Variants in DST observed in about 807,000 individuals in gnomAD.
DST encodes dystonin.
A neutral mutation model predicts 875.2 loss-of-function variants in DST; 253 were observed. That is an observed-to-expected ratio of 0.29 (90% CI 0.26 to 0.32). DST has a LOEUF of 0.32. Among genes scored for constraint, DST ranks in the 10% least tolerant of loss-of-function variants. The pLI is 1.00. For synonymous variants in DST, 3,124 were observed against 3,197.1 expected (o/e 0.98, Z 0.77); for missense variants, 8,287 against 9,111.6 (o/e 0.91, Z 3.68).
intron 3 of DST, chr6:56,861,702 A>C (rs901128834): frequency 6.6e-6 from 1 of 152,248 alleles, no homozygotes; most frequent in Non-Finnish European, 1.5e-5. Flanking sequence ...CAGGACGGGA[A>C]GCAGAAACAG....
At chr6:56,886,298 C>T (rs1050335184) in intron 3 of DST, among the ~76,000 whole-genome samples, 15 of 152,204 alleles carry the variant, frequency 9.9e-5, no homozygotes, top group African/African-American at 3.6e-4. Flanking sequence ...GAGAGGTCTG[C>T]TTCTAACTGA....
intron 4 of DST, among the ~76,000 whole-genome samples, chr6:56,833,273 C>T (rs1016094108): frequency 4.6e-5 from 7 of 152,298 alleles, no homozygotes; most frequent in African/African-American, 1.4e-4. Flanking sequence ...TAATCATTTA[C>T]GTGAAAGCAC....
chr6:56,670,131 TGC>T (rs1304724573), intron 10 of DST, among the ~76,000 whole-genome samples: 1 of 109,458 alleles, frequency 9.1e-6, no homozygotes, highest in Admixed American at 1.1e-4. Flanking sequence ...CGAGCGCCCG[TGC>T]GTGTGTGTGT....
intron 9 of DST, among the ~76,000 whole-genome samples, chr6:56,686,530 AGT>A (rs1020066866): frequency 6.6e-5 from 10 of 152,144 alleles, no homozygotes; most frequent in African/African-American, 1.9e-4. Flanking sequence ...TTTTTGTTTT[AGT>A]TTCATGCTAC....
Position 56,783,195 on chromosome 6 carries a change from A to G in DST, c.626-47906T>C, listed in dbSNP as rs748514300. ...TGGTGTGGTGCTGAAAAAAATGTATATTCTGTTGATTTGGGGTGGAGAGTT... is the reference window on the plus strand; with the variant it reads ...TGGTGTGGTGCTGAAAAAAATGTATGTTCTGTTGATTTGGGGTGGAGAGTT... On this transcript the variant is annotated intron_variant, in intron 4 of 103. Transcript: ENST00000680361. 3.0e-4 allele frequency among the ~76,000 whole-genome samples: 46 copies of G among 152,256 alleles called. 1 individual carries two copies. Among genetic ancestry groups the G allele is most frequent in the Middle Eastern group, 3.4e-3 (1 of 294 alleles).
At chr6:56,512,453 G>A (rs2096495587) in intron 72 of DST, among the ~76,000 whole-genome samples, 2 of 152,182 alleles carry the variant, frequency 1.3e-5, no homozygotes, top group South Asian at 4.1e-4. Context: ...TGGCCTCTGT[G>A]CAGCATTGAG....
chr6:56,700,489 A>G (rs1265076668), intron 8 of DST, among the ~76,000 whole-genome samples: 2 of 152,202 alleles, frequency 1.3e-5, no homozygotes, highest in African/African-American at 2.4e-5. Context: ...AATTTTCTCA[A>G]ATTTCCATTA....
intron 63 of DST, 147 bp downstream of exon 63, chr6:56,534,975 T>C: frequency 1.2e-6 from 1 of 859,434 alleles, no homozygotes; most frequent in Non-Finnish European, 1.8e-6. Context: ...CAATAAATAT[T>C]TGTCGAATGA....
chr6:56,614,568 T>C (rs1436100209), intron 36 of DST, 84 bp from the exon 37 acceptor site: 13 of 1,351,554 alleles, frequency 9.6e-6, no homozygotes. Flanking sequence ...CAAACAAGAA[T>C]GTAAAAATTT....
chr6:56,737,750 C>T (rs1335183063), intron 4 of DST, among the ~76,000 whole-genome samples: 1 of 152,156 alleles, frequency 6.6e-6, no homozygotes, highest in Non-Finnish European at 1.5e-5. Flanking sequence ...CACTGCTGTA[C>T]AACAATTTGT....
chr6:56,734,187 G>A (rs759165386), intron 5 of DST, among the ~76,000 whole-genome samples: 2 of 152,160 alleles, frequency 1.3e-5, no homozygotes, highest in East Asian at 1.9e-4. Context: ...ACCTTTTATC[G>A]CTTGTGATTC....
chr6:56,651,188 T>G lies in DST; in HGVS notation c.1271A>C (p.Glu424Ala). 1 of 1,612,614 alleles carries G rather than the reference T, an allele frequency of 6.2e-7. No individual in the cohort carries two copies. The highest frequency in any genetic ancestry group is 1.1e-5 in the South Asian group (1 of 90,680). ...TTTTTCTGCTACGTAAAAAGCATGC[T>G]CTAAATTTGCAAGGTTGCTTTGAAC... is the stretch of plus-strand genomic sequence containing the variant. ...VAVQSNLANLEHAFYVAEKIG... is the reference protein window; with the variant it reads ...VAVQSNLANLAHAFYVAEKIG... The change falls in exon 11 of 104, where the codon GAG (glutamate) becomes GCG (alanine). Residue 424 changes from glutamate (E) to alanine (A), a missense_variant. Coordinates refer to ENST00000680361, the MANE Select transcript of DST (RefSeq NM_001374736.1).
intron 94 of DST, 29 bp from the exon 95 acceptor site, chr6:56,471,297 G>C: frequency 6.5e-7 from 1 of 1,526,800 alleles, no homozygotes; most frequent in East Asian, 2.4e-5. Context: ...TTTTGATTGA[G>C]TTAATGCTGT....
At chr6:56,737,913 A>G (rs1427240027) in intron 4 of DST, among the ~76,000 whole-genome samples, 1 of 152,246 alleles carries the variant, frequency 6.6e-6, no homozygotes, top group Admixed American at 6.5e-5. Context: ...AAATTCTGAA[A>G]AAACACAAAT....
rs1173977222 is a variant in DST at position 56,608,773 on chromosome 6, C to T, written c.5855G>A (p.Arg1952Lys). The change falls in exon 40 of 104, where the codon AGA becomes AAA. Residue 1952 changes from arginine to lysine, a missense_variant. Coordinates refer to ENST00000680361, the MANE Select transcript of DST (RefSeq NM_001374736.1). The stretch of plus-strand genomic sequence containing the variant: ...TGTTATTCTACCTCCTTCTTGTGGT[C>T]TCACAGGTAGAAGCCACATCCCTGT... ...ENTGMWLLPV[R>K]PQEGGRITLK... is the part of the protein sequence containing the mutation. 6.2e-7 allele frequency: 1 copy of T among 1,609,548 alleles called. No homozygotes were observed. The highest frequency in any genetic ancestry group is 2.2e-5 in the East Asian group (1 of 44,718).
At position 56,904,624 on chromosome 6, in the gene DST, T is replaced by C. The variant is rs904304026; in HGVS notation, c.217-4003A>G. Among the ~76,000 whole-genome samples, 8 of 152,186 alleles carry C rather than the reference T, an allele frequency of 5.3e-5. No homozygotes were observed. In the East Asian group the frequency reaches 1.5e-3, roughly 29 times the overall value. On this transcript the variant is annotated intron_variant, in intron 2 of 103. Coordinates refer to ENST00000680361, the MANE Select transcript of DST (RefSeq NM_001374736.1). ...TGATTACAAACACTATAAACAACGA[T>C]GACCGTTCACCTTTATTTCCCTAAA... is the stretch of plus-strand genomic sequence containing the variant.
At position 56,609,043 on chromosome 6, in the gene DST, C is replaced by CT; in HGVS notation, c.5584dup (p.Ser1862LysfsTer13). ...GATGGCCATGGATTCTGTTATCATGCTTTGAGCTAGAGCATCCAGTACTGG... is the reference window on the plus strand; with the variant it reads ...GATGGCCATGGATTCTGTTATCATGCTTTTGAGCTAGAGCATCCAGTACTGG... On this transcript the variant is annotated frameshift_variant, in exon 40 of 104. Coordinates refer to ENST00000680361, the MANE Select transcript of DST (RefSeq NM_001374736.1). LOFTEE classifies it high-confidence loss of function. 1 of 1,613,810 alleles carries CT rather than the reference C, an allele frequency of 6.2e-7. No individual in the cohort carries two copies. Among genetic ancestry groups the CT allele is most frequent in the Non-Finnish European group, 8.5e-7 (1 of 1,179,792 alleles).
chr6:56,630,843 C>T (rs1268300486), intron 30 of DST, among the ~76,000 whole-genome samples: 4 of 150,086 alleles, frequency 2.7e-5, no homozygotes, highest in Non-Finnish European at 4.4e-5. Flanking sequence ...AGTGCAGTGG[C>T]GCGATATCGG....
At chr6:56,825,089 G>A (rs1242865666) in intron 4 of DST, among the ~76,000 whole-genome samples, 3 of 151,804 alleles carry the variant, frequency 2.0e-5, no homozygotes, top group Non-Finnish European at 2.9e-5. Context: ...TTGAGAAATC[G>A]GATGGTTGCC....
Sources: allele counts gnomAD v4.1 joint callset (sites outside exome capture counted in the v4.1 genomes callset), GRCh38; gene constraint gnomAD v4.1.1; transcripts MANE v1.5; gene names NCBI Gene and HGNC (gene_info 2026-07-23, HGNC 2026-07-21).